RNF215: variants seen among roughly 807,000 people sequenced by gnomAD.
RNF215 encodes ring finger protein 215.
Under a neutral mutation model 44.8 loss-of-function variants are expected in RNF215, and 41 were observed. That is an observed-to-expected ratio of 0.92 (90% CI 0.71 to 1.19). The LOEUF (loss-of-function observed/expected upper bound fraction) is 1.19. Ranked by LOEUF, RNF215 falls within the 50% of genes most tolerant of loss-of-function variation. RNF215 has a pLI of 0.00. For synonymous variants in RNF215, 218 were observed against 230.1 expected (o/e 0.95, Z 0.48); for missense variants, 452 against 496.2 (o/e 0.91, Z 0.85).
rs1483486646 is a variant in RNF215, at chr22:30,387,143, G to C, written c.171C>G (p.Ala57=). 5.6e-6 allele frequency: 8 copies of C among 1,428,648 alleles called. 1 individual carries two copies. The Middle Eastern group carries it at 7.6e-4, about 135-fold the overall frequency. 88.5% of individuals were successfully genotyped at this position (1,428,648 alleles called of 1,614,324 possible). A position where few individuals can be genotyped will look rare whatever the true frequency, so the allele number is the denominator to read the frequency against. Residue 57 remains alanine (A), a synonymous_variant, in exon 1 of 9, where the codon GCC becomes GCG. Transcript: ENST00000382363. ...GTCTCACGTCCACCCGCACGGCGCG[G>C]GCTCCGCCCCGCCCCGCCCCGGCCG... The part of the protein sequence containing the change: ...EPAAGAGRGG[A]RAVRVDVRLP...
Position 30,379,540 on chromosome 22 carries a change from C to T in RNF215, c.*60G>A, listed in dbSNP as rs781124468. ...TCCTGTCCTGTCCTGGGAGCCCAGG[C>T]TGAGGACCGGGGTGCAGGCAGGAAG... On this transcript the variant is annotated 3_prime_UTR_variant, in exon 9 of 9. Coordinates refer to ENST00000382363, the MANE Select transcript of RNF215 (RefSeq NM_001017981.2). The T allele has an allele frequency of 3.9e-6, 6 of 1,540,298 alleles. No individual in the cohort carries two copies. Among genetic ancestry groups the T allele is most frequent in the Non-Finnish European group, 4.4e-6 (5 of 1,143,320 alleles).
Position 30,384,500 on chromosome 22 carries a change from GA to G in RNF215, c.588-6del. 6.2e-7 allele frequency: 1 copy of G among 1,612,604 alleles called. No homozygotes were observed. The highest frequency in any genetic ancestry group is 8.5e-7 in the Non-Finnish European group (1 of 1,178,996). On this transcript the variant is annotated splice_region_variant and splice_polypyrimidine_tract_variant and intron_variant, in intron 4 of 8. Coordinates refer to ENST00000382363, the MANE Select transcript of RNF215 (RefSeq NM_001017981.2). ...TCAGCCGTGGCCTGGGTCCTCCTGG[GA>G]GGGGAAGTCACCGGGGCCAGATGGA...
In RNF215 at chr22:30,379,787, G is replaced by A. The variant is rs765033240; in HGVS notation, c.1035C>T (p.His345=). Residue 345 remains histidine (H), a synonymous_variant, in exon 8 of 9, where the codon CAC becomes CAT. Transcript: ENST00000382363. ...GGTCCACACAGTCTCGGTGAAACTC[G>A]TGCTTACAGGGCAGCACCCGGAGCC... ...KQWLRVLPCK[H]EFHRDCVDPW... 1.2e-5 allele frequency: 19 copies of A among 1,570,290 alleles called. No homozygotes were observed. The highest frequency in any genetic ancestry group is 5.4e-5 in the African/African-American group (4 of 74,082).
chr22:30,380,264 C>G lies in RNF215; in HGVS notation c.864+18G>C. 1 of 1,611,032 alleles carries G rather than the reference C, an allele frequency of 6.2e-7. No homozygotes were observed. The highest frequency in any genetic ancestry group is 8.5e-7 in the Non-Finnish European group (1 of 1,178,286). On this transcript the variant is annotated intron_variant, in intron 6 of 8. Coordinates refer to ENST00000382363, the MANE Select transcript of RNF215 (RefSeq NM_001017981.2). The surrounding 1 kb of genome is among the most constrained non-coding windows in gnomAD (Gnocchi z 5.3). ...CCAAGGGCTGAGGGTGCTGGGGCTC[C>G]CTGGGGCTGGCTCCCACCTGGCCTC...
chr22:30,386,347 TC>T (rs1933599677), intron 2 of RNF215, among the ~76,000 whole-genome samples: 1 of 152,182 alleles, frequency 6.6e-6, no homozygotes. Flanking sequence ...CCCGGTCCTA[TC>T]AGGGCAGTCC....
chr22:30,386,822 A>G (rs532579299), intron 1 of RNF215, 63 bp from the exon 2 acceptor site: 1 of 1,549,324 alleles, frequency 6.5e-7, no homozygotes, highest in Non-Finnish European at 8.7e-7. Flanking sequence ...AGCCGGGGTC[A>G]TCACAGTGGA....
At chr22:30,384,246 T>A in intron 5 of RNF215, 93 bp downstream of exon 5, 1 of 1,346,402 alleles carries the variant, frequency 7.4e-7, no homozygotes, top group Non-Finnish European at 1.0e-6. Flanking sequence ...GTCACTAAGG[T>A]GGGGAGAAGC....
chr22:30,381,291 C>A (rs996902084), intron 5 of RNF215, among the ~76,000 whole-genome samples: 1 of 152,186 alleles, frequency 6.6e-6, no homozygotes, highest in Non-Finnish European at 1.5e-5. Context: ...GTGGTCACCA[C>A]TCTAACCCAG....
In RNF215 at chr22:30,386,097, G is replaced by C. The variant is rs886778993; in HGVS notation, c.474C>G (p.Leu158=). The part of the protein sequence containing the change: ...LFLGASALLL[L]ILNHNVVREL... ...CTCGGACCACGTTGTGGTTCAGGAT[G>C]AGAAGAAGCAGGGCAGAGGCACCCA... The change falls in exon 3 of 9, where the codon CTC becomes CTG. Residue 158 remains leucine, a synonymous_variant. Coordinates refer to ENST00000382363, the MANE Select transcript of RNF215 (RefSeq NM_001017981.2). 8 of 1,609,186 alleles carry C rather than the reference G, an allele frequency of 5.0e-6. No individual in the cohort carries two copies. The highest frequency in any genetic ancestry group is 5.1e-6 in the Non-Finnish European group (6 of 1,177,994).
rs571205316 is a variant in RNF215, at chr22:30,384,186, A to C, written c.744+153T>G. The stretch of plus-strand genomic sequence containing the variant: ...CCCCAACTGAGCGCCCACCTACACC[A>C]TGTCTCTGAACACTCACAGCACTCC... On this transcript the variant is annotated intron_variant, in intron 5 of 8. Coordinates refer to ENST00000382363, the MANE Select transcript of RNF215 (RefSeq NM_001017981.2). Among the ~76,000 whole-genome samples the C allele has an allele frequency of 2.7e-3, 409 of 152,240 alleles. 1 individual carries two copies. The highest frequency in any genetic ancestry group is 8.8e-3 in the African/African-American group (364 of 41,530).
At position 30,379,806 on chromosome 22, in the gene RNF215, C is replaced by G; in HGVS notation, c.1016G>C (p.Arg339Pro). 3.2e-6 allele frequency: 5 copies of G among 1,571,022 alleles called. No homozygotes were observed. The highest frequency in any genetic ancestry group is 4.3e-6 in the Non-Finnish European group (5 of 1,159,816). ...LDYFCNKQWL[R>P]VLPCKHEFHR... ...AAACTCGTGCTTACAGGGCAGCACC[C>G]GGAGCCACTACAGGGGTGGGGGAGG... is the stretch of plus-strand genomic sequence containing the variant. Residue 339 changes from arginine to proline, a missense_variant, in exon 8 of 9, where the codon CGG becomes CCG. Coordinates refer to ENST00000382363, the MANE Select transcript of RNF215 (RefSeq NM_001017981.2).
Position 30,386,090 on chromosome 22 carries a change from T to A in RNF215, c.481A>T (p.Asn161Tyr). 6.2e-7 allele frequency: 1 copy of A among 1,610,918 alleles called. No individual in the cohort carries two copies. The highest frequency in any genetic ancestry group is 8.5e-7 in the Non-Finnish European group (1 of 1,178,776). The change falls in exon 3 of 9, where the codon AAC becomes TAC. Residue 161 changes from asparagine (N) to tyrosine (Y), a missense_variant. Asn to Tyr is a moderately radical substitution (Grantham distance 143). Coordinates refer to ENST00000382363, the MANE Select transcript of RNF215 (RefSeq NM_001017981.2). ...GASALLLLILNHNVVRELDIS... is the reference protein window; with the variant it reads ...GASALLLLILYHNVVRELDIS... ...TTTACCTCTCGGACCACGTTGTGGT[T>A]CAGGATGAGAAGAAGCAGGGCAGAG...
intron 1 of RNF215, 26 bp from the exon 2 acceptor site, chr22:30,386,785 A>T: frequency 6.3e-7 from 1 of 1,591,864 alleles, no homozygotes; most frequent in Non-Finnish European, 8.5e-7. Context: ...CCATGAGCAG[A>T]GGGAGGTAGG....
chr22:30,386,787 G>A, intron 1 of RNF215, 28 bp from the exon 2 acceptor site: 4 of 1,592,224 alleles, frequency 2.5e-6, no homozygotes, highest in Non-Finnish European at 3.4e-6. Flanking sequence ...ATGAGCAGAG[G>A]GAGGTAGGGT....
intron 5 of RNF215, among the ~76,000 whole-genome samples, chr22:30,383,932 G>A (rs575351707): frequency 6.6e-6 from 1 of 152,220 alleles, no homozygotes; most frequent in Non-Finnish European, 1.5e-5. Flanking sequence ...CTACAGCCAG[G>A]TGTAGACAAG....
At chr22:30,386,350 G>A (rs554640947) in intron 2 of RNF215, among the ~76,000 whole-genome samples, 1 of 152,276 alleles carries the variant, frequency 6.6e-6, no homozygotes, top group South Asian at 2.1e-4. Flanking sequence ...GGTCCTATCA[G>A]GGCAGTCCCA....
Position 30,379,718 on chromosome 22 carries a change from G to A in RNF215, c.1104C>T (p.Asn368=), listed in dbSNP as rs769162771. 3.8e-6 allele frequency: 6 copies of A among 1,559,106 alleles called. No individual in the cohort carries two copies. Among genetic ancestry groups the A allele is most frequent in the South Asian group, 3.6e-5 (3 of 84,426 alleles). Residue 368 remains asparagine (N), a synonymous_variant, in exon 8 of 9, where the codon AAC becomes AAT. Coordinates refer to ENST00000382363, the MANE Select transcript of RNF215 (RefSeq NM_001017981.2). ...LQQTCPLCKF[N]VLGNRYSDD Reference sequence around the variant, plus strand: ...CCCACCCCTGGTGCTCACCCAGGACGTTGAATTTGCACAGTGGGCAGGTCT... The same window carrying A: ...CCCACCCCTGGTGCTCACCCAGGACATTGAATTTGCACAGTGGGCAGGTCT...
Position 30,379,741 on chromosome 22 carries a change from T to G in RNF215, c.1081A>C (p.Thr361Pro), listed in dbSNP as rs1477498219. Residue 361 changes from threonine to proline, a missense_variant, in exon 8 of 9, where the codon ACC becomes CCC. Transcript: ENST00000382363. ...CVDPWLMLQQ[T>P]CPLCKFNVLG... ...ACGTTGAATTTGCACAGTGGGCAGG[T>G]CTGCTGGAGCATCAGCCAGGGGTCC... 6.4e-7 allele frequency: 1 copy of G among 1,565,024 alleles called. No homozygotes were observed. The highest frequency in any genetic ancestry group is 8.7e-7 in the Non-Finnish European group (1 of 1,155,540).
chr22:30,385,919 A>G lies in RNF215; in HGVS notation c.572T>C (p.Leu191Ser), dbSNP rs564896355. The G allele has an allele frequency of 2.5e-6, 4 of 1,614,116 alleles. No individual in the cohort carries two copies. The South Asian group carries it at 3.3e-5, about 13-fold the overall frequency. ...ACCAACTCACTGCAGCAATGCATCC[A>G]ACAGCTTGGTGACATTGGAGGAATA... Reference protein sequence around the residue: ...LHYSSNVTKLLDALLQRTQAT... With the variant: ...LHYSSNVTKLSDALLQRTQAT... The change falls in exon 4 of 9, where the codon TTG (leucine) becomes TCG (serine). Residue 191 changes from leucine (L) to serine (S), a missense_variant. Transcript: ENST00000382363.
Sources: allele counts gnomAD v4.1 joint callset (sites outside exome capture counted in the v4.1 genomes callset), GRCh38; gene constraint gnomAD v4.1.1; non-coding constraint Gnocchi (gnomAD v3.1); transcripts MANE v1.5; gene names NCBI Gene and HGNC (gene_info 2026-07-23, HGNC 2026-07-21).